ARMC9: variants seen among roughly 807,000 people sequenced by gnomAD.
ARMC9 encodes lisH domain-containing protein ARMC9.
A neutral mutation model predicts 107.0 loss-of-function variants in ARMC9; 94 were observed. The ratio of observed to expected loss-of-function variants is 0.88; its 90% CI spans 0.74 to 1.04. The LOEUF (loss-of-function observed/expected upper bound fraction) is 1.04, where lower values mean the gene tolerates loss of function less well. Ranked by LOEUF, ARMC9 falls within the 50% of genes least tolerant of loss-of-function variation. The probability of loss-of-function intolerance (pLI) is 0.00; values close to 1 mark genes in which losing one functional copy is unlikely to be tolerated. For synonymous variants in ARMC9, 380 were observed against 396.9 expected (o/e 0.96, Z 0.51); for missense variants, 942 against 1,030.1 (o/e 0.91, Z 1.17).
intron 6 of ARMC9, among the ~76,000 whole-genome samples, chr2:231,223,327 C>T (rs1351640111): frequency 6.6e-6 from 1 of 152,202 alleles, no homozygotes; most frequent in African/African-American, 2.4e-5. Flanking sequence ...AGTATCACCA[C>T]AGTCCAGTTC....
intron 7 of ARMC9, among the ~76,000 whole-genome samples, chr2:231,229,048 A>G (rs1203835172): frequency 6.6e-6 from 1 of 152,128 alleles, no homozygotes; most frequent in Non-Finnish European, 1.5e-5. Context: ...TAAGGAGACC[A>G]GTTTTTAAGC....
chr2:231,299,513 G>A (rs977461917), intron 19 of ARMC9, among the ~76,000 whole-genome samples: 2 of 152,326 alleles, frequency 1.3e-5, no homozygotes, highest in African/African-American at 4.8e-5. Context: ...CAGTTGCTGT[G>A]CATTTTTGTG....
chr2:231,338,338 C>G (rs925828229), intron 20 of ARMC9, among the ~76,000 whole-genome samples: 8 of 151,930 alleles, frequency 5.3e-5, no homozygotes, highest in African/African-American at 1.9e-4. Flanking sequence ...CGTGCCTCAG[C>G]CTCAGCCTCC....
At chr2:231,198,860 C>G (rs2030197647) in intron 1 of ARMC9, 162 bp downstream of exon 1, 1 of 152,696 alleles carries the variant, frequency 6.5e-6, no homozygotes, top group South Asian at 2.1e-4. Context: ...CACTTCTCGC[C>G]TGCGGTCCAG....
At chr2:231,231,603 C>A (rs1016783578) in intron 7 of ARMC9, among the ~76,000 whole-genome samples, 5 of 151,748 alleles carry the variant, frequency 3.3e-5, no homozygotes, top group African/African-American at 1.2e-4. Context: ...AGGCTGGTCT[C>A]GAACTCCTGG....
intron 9 of ARMC9, among the ~76,000 whole-genome samples, chr2:231,251,218 G>A (rs2037267817): frequency 6.6e-6 from 1 of 151,906 alleles, no homozygotes; most frequent in Non-Finnish European, 1.5e-5. Context: ...CCAGGCTGGA[G>A]TGCAGTGGTG....
Position 231,222,806 on chromosome 2 carries a change from CT to C in ARMC9, c.587del (p.Leu196Ter), listed in dbSNP as rs1276812422. 1 of 1,584,696 alleles carries C rather than the reference CT, an allele frequency of 6.3e-7. No homozygotes were observed. Among genetic ancestry groups the C allele is most frequent in the Admixed American group, 1.7e-5 (1 of 59,188 alleles). ...LISKASNTPK[L>X]LTIYKENGQS... ...ATCTAAAGCCAGCAACACGCCAAAG[CT>C]TTTAACAATATATGTATCCTTTTGA... On this transcript the variant is annotated frameshift_variant, in exon 6 of 25. Coordinates refer to ENST00000611582, the MANE Select transcript of ARMC9 (RefSeq NM_001352754.2). LOFTEE classifies it high-confidence loss of function.
chr2:231,249,504 C>T (rs1358590977), intron 9 of ARMC9, among the ~76,000 whole-genome samples: 1 of 152,062 alleles, frequency 6.6e-6, no homozygotes, highest in Non-Finnish European at 1.5e-5. Context: ...TGCCCACCTC[C>T]CCACATCCTG....
In ARMC9 at chr2:231,362,737, T is replaced by G. The variant is rs577498408; in HGVS notation, c.2261+1854T>G. ...ATATTTCGGCATTCTAGATGAGAGA[T>G]ATATATATACCTCATATGTATATGG... On this transcript the variant is annotated intron_variant, in intron 23 of 24. Transcript: ENST00000611582. The surrounding 1 kb of genome is among the most constrained non-coding windows in gnomAD (Gnocchi z 4.7). 3 of 153,260 alleles carry G rather than the reference T, an allele frequency of 2.0e-5. No individual in the cohort carries two copies. The highest frequency in any genetic ancestry group is 6.6e-5 in the Admixed American group (1 of 15,128). 9.5% of individuals were successfully genotyped at this position (153,260 alleles called of 1,614,324 possible). A position where few individuals can be genotyped will look rare whatever the true frequency, so the allele number is the denominator to read the frequency against.
chr2:231,372,702 G>A lies in ARMC9; in HGVS notation c.*1167G>A, dbSNP rs1422330489. On this transcript the variant is annotated 3_prime_UTR_variant, in exon 25 of 25. Coordinates refer to ENST00000611582, the MANE Select transcript of ARMC9 (RefSeq NM_001352754.2). ...ATAAAACCCATCAGTATTTAGTGGT[G>A]TGTGTGTGTGTGTGTGTGTGTGTGT... 1.2e-4 allele frequency: 1 copy of A among 8,274 alleles called. No individual in the cohort carries two copies. Among genetic ancestry groups the A allele is most frequent in the African/African-American group, 3.3e-4 (1 of 3,018 alleles). The allele number at this position is 8,274 out of a possible 1,614,324, so 0.5% of individuals were successfully genotyped here.
chr2:231,300,961 T>A (rs1268139431), intron 19 of ARMC9, among the ~76,000 whole-genome samples: 1 of 151,556 alleles, frequency 6.6e-6, no homozygotes, highest in African/African-American at 2.4e-5. Flanking sequence ...AGCATAAGCT[T>A]TATCCTTTGC....
At chr2:231,216,975 G>A (rs949513346) in intron 5 of ARMC9, among the ~76,000 whole-genome samples, 182 bp downstream of exon 5, 5 of 152,124 alleles carry the variant, frequency 3.3e-5, no homozygotes, top group African/African-American at 1.2e-4. Context: ...GTTAGGTTTG[G>A]TTTTTGCCAT....
chr2:231,331,529 T>G (rs559681701), intron 19 of ARMC9, among the ~76,000 whole-genome samples: 1 of 152,314 alleles, frequency 6.6e-6, no homozygotes, highest in South Asian at 2.1e-4. Context: ...AAGAGCCTTC[T>G]GGAACCTCCG....
chr2:231,311,564 G>C (rs927786318), intron 19 of ARMC9, among the ~76,000 whole-genome samples: 1 of 152,004 alleles, frequency 6.6e-6, no homozygotes, highest in Non-Finnish European at 1.5e-5. Context: ...GAGGTCAGGA[G>C]TTCGAGACCA....
At chr2:231,239,484 T>C (rs1286652359) in intron 8 of ARMC9, among the ~76,000 whole-genome samples, 2 of 152,208 alleles carry the variant, frequency 1.3e-5, no homozygotes, top group Non-Finnish European at 2.9e-5. Context: ...ACCTGCTCAC[T>C]GTGGCTGTTA....
intron 16 of ARMC9, 61 bp downstream of exon 16, chr2:231,278,519 G>A: frequency 6.8e-7 from 1 of 1,481,446 alleles, no homozygotes; most frequent in Non-Finnish European, 9.4e-7. Context: ...CCCAATGCCT[G>A]TGACCCCACA....
intron 1 of ARMC9, among the ~76,000 whole-genome samples, chr2:231,202,810 C>T (rs1574823049): frequency 1.3e-5 from 2 of 152,276 alleles, no homozygotes; most frequent in East Asian, 3.9e-4. Context: ...AACGGCCAAA[C>T]TTCACCCTCT....
rs34749189 is a variant in ARMC9 at position 231,376,588 on chromosome 2, A to G, written c.*5053A>G. Among the ~76,000 whole-genome samples the G allele has an allele frequency of 0.025, 3,765 of 152,306 alleles. 81 individuals carry two copies. The highest frequency in any genetic ancestry group is 0.037 in the Middle Eastern group (11 of 294). On this transcript the variant is annotated 3_prime_UTR_variant, in exon 25 of 25. Coordinates refer to ENST00000611582, the MANE Select transcript of ARMC9 (RefSeq NM_001352754.2). The stretch of plus-strand genomic sequence containing the variant: ...CCTGTCTCCTGATAAGATGTTATCA[A>G]TGACAATGGTGCCCAAAACTTCATT...
Position 231,360,722 on chromosome 2 carries a change from A to T in ARMC9, c.2132-32A>T. On this transcript the variant is annotated intron_variant, in intron 22 of 24. Coordinates refer to ENST00000611582, the MANE Select transcript of ARMC9 (RefSeq NM_001352754.2). The surrounding 1 kb of genome is among the most constrained non-coding windows in gnomAD (Gnocchi z 4.7). ...CATCCTTAGAGGGGCTCCAGAGCAG[A>T]TGTGGACTGAACTTTCTCTCCTCCT... is the stretch of plus-strand genomic sequence containing the variant. The T allele has an allele frequency of 6.5e-7, 1 of 1,536,092 alleles. No homozygotes were observed. Among genetic ancestry groups the T allele is most frequent in the South Asian group, 1.2e-5 (1 of 84,062 alleles).
Sources: gnomAD v4.1 joint callset for allele counts (sites outside exome capture counted in the v4.1 genomes callset) on GRCh38, gnomAD v4.1.1 for gene constraint, Gnocchi (gnomAD v3.1) non-coding constraint, MANE v1.5 for transcripts, NCBI Gene and HGNC (gene_info 2026-07-23, HGNC 2026-07-21) for gene names.